PTPRM: variants seen among roughly 807,000 people sequenced by gnomAD.
The protein encoded by PTPRM is receptor-type tyrosine-protein phosphatase mu.
A neutral mutation model predicts 186.7 loss-of-function variants in PTPRM; 47 were observed. The ratio of observed to expected loss-of-function variants is 0.25; its 90% CI spans 0.20 to 0.32. PTPRM has a LOEUF of 0.32. Among genes scored for constraint, PTPRM ranks in the 10% least tolerant of loss-of-function variants. PTPRM has a pLI of 1.00. For missense variants in PTPRM, 1,494 were observed against 1,865.0 expected, an observed-to-expected ratio of 0.80 and a Z score of 3.66; for synonymous variants, 668 against 674.9, an observed-to-expected ratio of 0.99 and a Z score of 0.16.
chr18:7,794,952 G>A (rs1250224941), intron 2 of PTPRM, among the ~76,000 whole-genome samples: 1 of 152,122 alleles, frequency 6.6e-6, no homozygotes, highest in Non-Finnish European at 1.5e-5. Context: ...CAGTGCTCCA[G>A]TAGCACCAAC....
chr18:8,094,451 G>A (rs762916836), intron 11 of PTPRM, among the ~76,000 whole-genome samples: 13 of 151,970 alleles, frequency 8.6e-5, no homozygotes, highest in African/African-American at 2.9e-4. Context: ...TCAATATAGG[G>A]GCTAGACACG....
chr18:7,828,890 CAAAT>C lies in PTPRM; in HGVS notation c.196+54620_196+54623del, dbSNP rs1399654559. Among the ~76,000 whole-genome samples, 11 of 152,218 alleles carry C rather than the reference CAAAT, an allele frequency of 7.2e-5. No individual in the cohort carries two copies. The South Asian group carries it at 1.7e-3, about 23-fold the overall frequency. ...AATTTTAAAGATAAAAACGTTTACA[CAAAT>C]GAATGATGGCATTATATAAGTATTG... On this transcript the variant is annotated intron_variant, in intron 2 of 32. Transcript: ENST00000580170.
At chr18:7,998,372 T>C (rs1320392763) in intron 7 of PTPRM, among the ~76,000 whole-genome samples, 1 of 152,098 alleles carries the variant, frequency 6.6e-6, no homozygotes, top group Non-Finnish European at 1.5e-5. Context: ...TACCAGAGAC[T>C]GAGAAGGGTA....
chr18:7,994,792 C>A (rs558804755), intron 7 of PTPRM, among the ~76,000 whole-genome samples: 1 of 152,044 alleles, frequency 6.6e-6, no homozygotes, highest in African/African-American at 2.4e-5. Flanking sequence ...GGAAAGACAA[C>A]ATACCAAAAC....
chr18:7,819,599 C>A (rs934934577), intron 2 of PTPRM, among the ~76,000 whole-genome samples: 11 of 152,206 alleles, frequency 7.2e-5, no homozygotes, highest in African/African-American at 2.7e-4. Flanking sequence ...TCCAAGCCCA[C>A]AGGTGATCTG....
chr18:7,651,075 G>A (rs149602032), intron 1 of PTPRM, among the ~76,000 whole-genome samples: 1 of 151,920 alleles, frequency 6.6e-6, no homozygotes, highest in African/African-American at 2.4e-5. Flanking sequence ...GGGATTACAG[G>A]CTCCTGACAT....
intron 13 of PTPRM, among the ~76,000 whole-genome samples, chr18:8,139,153 T>C (rs1008513279): frequency 1.3e-5 from 2 of 152,160 alleles, no homozygotes; most frequent in African/African-American, 4.8e-5. Context: ...GGTCCAAAAC[T>C]AAACTCTTGG....
chr18:8,078,745 C>T (rs1600436459), intron 9 of PTPRM, among the ~76,000 whole-genome samples: 1 of 152,232 alleles, frequency 6.6e-6, no homozygotes, highest in Middle Eastern at 3.4e-3. Flanking sequence ...CTGCTCCAGG[C>T]GAGGGTCTCA....
intron 17 of PTPRM, among the ~76,000 whole-genome samples, chr18:8,251,224 A>T (rs1057482748): frequency 6.6e-6 from 1 of 152,212 alleles, no homozygotes; most frequent in Non-Finnish European, 1.5e-5. Context: ...CACGTGAAGG[A>T]CCCAGATCAC....
In PTPRM at chr18:7,885,436, C is replaced by T. The variant is rs367912769; in HGVS notation, c.197-2670C>T. Among the ~76,000 whole-genome samples the T allele has an allele frequency of 5.2e-3, 797 of 152,250 alleles. 8 individuals are homozygous for T. The highest frequency in any genetic ancestry group is 0.018 in the African/African-American group (755 of 41,548). ...AGATCCACTTCTGTAGGATCTTCAGCTTTGTTTAAAAGACATCATGCACTG... is the reference window on the plus strand; with the variant it reads ...AGATCCACTTCTGTAGGATCTTCAGTTTTGTTTAAAAGACATCATGCACTG... On this transcript the variant is annotated intron_variant, in intron 2 of 32. Transcript: ENST00000580170.
At chr18:8,381,573 G>A (rs1362697146) in intron 29 of PTPRM, among the ~76,000 whole-genome samples, 2 of 152,112 alleles carry the variant, frequency 1.3e-5, no homozygotes, top group African/African-American at 4.8e-5. Context: ...AAATAGTAAT[G>A]ATAATCTTTG....
intron 7 of PTPRM, among the ~76,000 whole-genome samples, chr18:8,015,986 G>A (rs1009304681): frequency 6.6e-6 from 1 of 152,184 alleles, no homozygotes; most frequent in African/African-American, 2.4e-5. Flanking sequence ...CTTCTAAGAA[G>A]TGTAGTCTTT....
intron 7 of PTPRM, among the ~76,000 whole-genome samples, chr18:7,963,046 G>A (rs2053787354): frequency 6.6e-6 from 1 of 152,170 alleles, no homozygotes; most frequent in Non-Finnish European, 1.5e-5. Flanking sequence ...TCTGCCACAG[G>A]GCAACATGTT....
At chr18:8,007,274 C>T (rs532220342) in intron 7 of PTPRM, among the ~76,000 whole-genome samples, 1 of 152,214 alleles carries the variant, frequency 6.6e-6, no homozygotes, top group South Asian at 2.1e-4. Context: ...ACACTTGGTA[C>T]CTGCGTTCTA....
chr18:7,830,291 A>G (rs911467118), intron 2 of PTPRM, among the ~76,000 whole-genome samples: 1 of 152,146 alleles, frequency 6.6e-6, no homozygotes, highest in Non-Finnish European at 1.5e-5. Context: ...TCCCCCAGCC[A>G]TGTGACTGGT....
chr18:8,125,151 A>G (rs891826137), intron 13 of PTPRM, among the ~76,000 whole-genome samples: 1 of 151,426 alleles, frequency 6.6e-6, no homozygotes, highest in Non-Finnish European at 1.5e-5. Context: ...CAGAGGTTAC[A>G]GTGAGCTGAG....
chr18:8,139,536 G>T (rs549771671), intron 13 of PTPRM, among the ~76,000 whole-genome samples: 2 of 152,268 alleles, frequency 1.3e-5, no homozygotes, highest in South Asian at 4.1e-4. Context: ...TCCTCCCAAG[G>T]CTTCTCAAGC....
chr18:8,384,317 G>A (rs2095757560), intron 29 of PTPRM, among the ~76,000 whole-genome samples: 1 of 152,036 alleles, frequency 6.6e-6, no homozygotes, highest in Non-Finnish European at 1.5e-5. Context: ...AATTAGCCAG[G>A]CATGGTAGCA....
chr18:8,037,159 C>G (rs376261502), intron 7 of PTPRM, among the ~76,000 whole-genome samples: 1 of 152,266 alleles, frequency 6.6e-6, no homozygotes, highest in South Asian at 2.1e-4. Context: ...TTAGGGCTGT[C>G]TTCTCAGACT....
Sources: allele counts gnomAD v4.1 joint callset (sites outside exome capture counted in the v4.1 genomes callset), GRCh38; gene constraint gnomAD v4.1.1; transcripts MANE v1.5; gene names NCBI Gene and HGNC (gene_info 2026-07-23, HGNC 2026-07-21).